Variants in EDIL3 observed in about 807,000 individuals in gnomAD.
EDIL3 encodes the protein EGF-like repeat and discoidin I-like domain-containing protein 3.
A neutral mutation model predicts 67.4 loss-of-function variants in EDIL3; 37 were observed. The observed-to-expected ratio is 0.55, with a 90% confidence interval of 0.42 to 0.72. The LOEUF (loss-of-function observed/expected upper bound fraction) is 0.72. Among genes scored for constraint, EDIL3 ranks in the 30% least tolerant of loss-of-function variants. The pLI is 0.00. For synonymous variants in EDIL3, 195 were observed against 196.3 expected, an observed-to-expected ratio of 0.99 and a Z score of 0.05; for missense variants, 527 against 586.3, an observed-to-expected ratio of 0.90 and a Z score of 1.04.
chr5:84,148,573 CT>C (rs1377015761), intron 4 of EDIL3, among the ~76,000 whole-genome samples: 1 of 152,022 alleles, frequency 6.6e-6, no homozygotes, highest in East Asian at 1.9e-4. Flanking sequence ...GAAAAGACTC[CT>C]TTTTTAAATT....
At chr5:84,007,806 A>G (rs1419127016) in intron 9 of EDIL3, among the ~76,000 whole-genome samples, 1 of 152,172 alleles carries the variant, frequency 6.6e-6, no homozygotes, top group Non-Finnish European at 1.5e-5. Flanking sequence ...GAATCTCAGT[A>G]TATCAAAAAG....
intron 6 of EDIL3, among the ~76,000 whole-genome samples, chr5:84,097,540 T>C (rs1747285831): frequency 6.6e-6 from 1 of 152,168 alleles, no homozygotes. Context: ...GCCACATATG[T>C]TTTGTGTTAT....
intron 1 of EDIL3, among the ~76,000 whole-genome samples, chr5:84,330,956 T>C (rs1228254855): frequency 1.3e-5 from 2 of 152,216 alleles, no homozygotes; most frequent in Non-Finnish European, 2.9e-5. Flanking sequence ...CTTGCATCAA[T>C]GTGACCTGGA....
At chr5:84,212,791 T>C (rs867239670) in intron 3 of EDIL3, among the ~76,000 whole-genome samples, 11 of 152,180 alleles carry the variant, frequency 7.2e-5, no homozygotes, top group Admixed American at 3.3e-4. Flanking sequence ...AGAAGAAGCA[T>C]GGATGTGATG....
chr5:84,198,916 A>T (rs1743774890), intron 3 of EDIL3, among the ~76,000 whole-genome samples: 1 of 152,068 alleles, frequency 6.6e-6, no homozygotes, highest in African/African-American at 2.4e-5. Flanking sequence ...CCTGGGCTAT[A>T]AGATTTCCAG....
chr5:84,019,532 T>G (rs562552355), intron 9 of EDIL3, among the ~76,000 whole-genome samples: 35 of 151,542 alleles, frequency 2.3e-4, no homozygotes, highest in Non-Finnish European at 4.4e-4. Flanking sequence ...ACCCTAAAAC[T>G]TAAAGTATAA....
chr5:84,321,615 A>T (rs1277335282), intron 1 of EDIL3, among the ~76,000 whole-genome samples: 1 of 152,118 alleles, frequency 6.6e-6, no homozygotes, highest in African/African-American at 2.4e-5. Context: ...ATGTGCAGGG[A>T]TTAGAAGAGC....
chr5:84,254,668 G>C (rs902614864), intron 1 of EDIL3, among the ~76,000 whole-genome samples: 2 of 152,168 alleles, frequency 1.3e-5, no homozygotes, highest in Non-Finnish European at 2.9e-5. Context: ...CCAGTAGGTC[G>C]TTAACAGACT....
Position 84,142,117 on chromosome 5 carries a change from T to C in EDIL3, c.356-4763A>G, listed in dbSNP as rs563523136. On this transcript the variant is annotated intron_variant, in intron 4 of 10. Transcript: ENST00000296591. ...TTTGTCAGAACCATTATTGTACAGA[T>C]TATAGCCAAAAGCCCATGAAATTGA... is the stretch of plus-strand genomic sequence containing the variant. Among the ~76,000 whole-genome samples the C allele has an allele frequency of 5.9e-5, 9 of 151,556 alleles. No individual in the cohort carries two copies. The East Asian group carries it at 1.6e-3, about 26-fold the overall frequency.
intron 9 of EDIL3, among the ~76,000 whole-genome samples, chr5:83,985,191 T>A (rs1280646829): frequency 7.0e-6 from 1 of 142,608 alleles, no homozygotes; most frequent in African/African-American, 2.5e-5. Flanking sequence ...TGCAAATTGA[T>A]TACACCAGAG....
intron 2 of EDIL3, among the ~76,000 whole-genome samples, chr5:84,231,279 G>A (rs1466463836): frequency 1.3e-5 from 2 of 152,158 alleles, no homozygotes; most frequent in African/African-American, 4.8e-5. Flanking sequence ...TGAAAAAGAA[G>A]TTTGTCTGAA....
At chr5:84,342,324 T>A (rs1159797563) in intron 1 of EDIL3, among the ~76,000 whole-genome samples, 4 of 151,856 alleles carry the variant, frequency 2.6e-5, no homozygotes, top group Non-Finnish European at 5.9e-5. Flanking sequence ...ACATATTTGG[T>A]TGGTGCAAAA....
rs115158893 is a variant in EDIL3, at chr5:84,313,887, C to T, written c.68-59675G>A. Among the ~76,000 whole-genome samples, 1,469 of 152,036 alleles carry T rather than the reference C, an allele frequency of 9.7e-3. 29 individuals are homozygous for T. Among genetic ancestry groups the T allele is most frequent in the African/African-American group, 0.033 (1,386 of 41,476 alleles). ...AGGGCAGATACCATTTAGTGGAGTG[C>T]GGTAGTGGAGAAAGAAATGCAAAAC... On this transcript the variant is annotated intron_variant, in intron 1 of 10. Transcript: ENST00000296591.
At chr5:84,287,830 C>T (rs1745839224) in intron 1 of EDIL3, among the ~76,000 whole-genome samples, 1 of 151,968 alleles carries the variant, frequency 6.6e-6, no homozygotes. Flanking sequence ...CTAGCCATTC[C>T]TTCTTAGCGG....
intron 6 of EDIL3, among the ~76,000 whole-genome samples, chr5:84,072,157 T>A (rs1746750628): frequency 6.6e-6 from 1 of 152,022 alleles, no homozygotes; most frequent in South Asian, 2.1e-4. Flanking sequence ...AAAGTAAAAA[T>A]TTCTGCAAGA....
At chr5:84,276,611 C>G (rs905767229) in intron 1 of EDIL3, among the ~76,000 whole-genome samples, 1 of 152,046 alleles carries the variant, frequency 6.6e-6, no homozygotes, top group African/African-American at 2.4e-5. Context: ...CTCTGTCACC[C>G]AAGCTGGAGT....
At chr5:84,044,326 T>C (rs1455276411) in intron 9 of EDIL3, among the ~76,000 whole-genome samples, 4 of 152,060 alleles carry the variant, frequency 2.6e-5, no homozygotes, top group Admixed American at 6.6e-5. Context: ...AATATGCATG[T>C]GAGAAATTAA....
intron 4 of EDIL3, among the ~76,000 whole-genome samples, chr5:84,165,069 A>T (rs996760367): frequency 7.2e-5 from 11 of 152,132 alleles, no homozygotes; most frequent in Non-Finnish European, 1.3e-4. Flanking sequence ...GGGGAATATG[A>T]AAATAAATTA....
At chr5:84,176,333 G>A (rs1023881494) in intron 4 of EDIL3, among the ~76,000 whole-genome samples, 6 of 79,054 alleles carry the variant, frequency 7.6e-5, no homozygotes, top group Non-Finnish European at 9.9e-5. Context: ...ATATTAGGGA[G>A]CCTTTTATCT....
Sources: gnomAD v4.1 joint callset for allele counts (sites outside exome capture counted in the v4.1 genomes callset) on GRCh38, gnomAD v4.1.1 for gene constraint, MANE v1.5 for transcripts, NCBI Gene and HGNC (gene_info 2026-07-23, HGNC 2026-07-21) for gene names.